RDH13: variants seen among roughly 807,000 people sequenced by gnomAD.
The protein encoded by RDH13 is retinol dehydrogenase 13 (all-trans and 9-cis).
A neutral mutation model predicts 28.3 loss-of-function variants in RDH13; 35 were observed. That is an observed-to-expected ratio of 1.24 (90% CI 0.95 to 1.64). The LOEUF (loss-of-function observed/expected upper bound fraction) is 1.64, where lower values mean the gene tolerates loss of function less well. Among genes scored for constraint, RDH13 ranks in the 40% most tolerant of loss-of-function variants. The probability of loss-of-function intolerance (pLI) is 0.00; values close to 1 mark genes in which losing one functional copy is unlikely to be tolerated. For synonymous variants in RDH13, 229 were observed against 198.5 expected (o/e 1.15, Z -1.29); for missense variants, 514 against 446.3 (o/e 1.15, Z -1.37).
Position 55,053,154 on chromosome 19 carries a change from A to AACTTCTGTCTCC in RDH13, c.340+3487_340+3498dup, listed in dbSNP as rs1276464664. Among the ~76,000 whole-genome samples the AACTTCTGTCTCC allele has an allele frequency of 7.3e-5, 11 of 150,754 alleles. No individual in the cohort carries two copies. In the South Asian group the frequency reaches 1.7e-3, roughly 23 times the overall value. On this transcript the variant is annotated intron_variant, in intron 3 of 6. Coordinates refer to ENST00000415061, the MANE Select transcript of RDH13 (RefSeq NM_001145971.2). ...TCATCTCACAAACTGATCTTCCCAAAACTTCTGTCTCCCAAAGTGCCGGGA... is the reference window on the plus strand; with the variant it reads ...TCATCTCACAAACTGATCTTCCCAAAACTTCTGTCTCCACTTCTGTCTCCCAAAGTGCCGGGA...
intron 1 of RDH13, among the ~76,000 whole-genome samples, chr19:55,069,022 C>T (rs1773534917): frequency 1.4e-5 from 2 of 139,830 alleles, no homozygotes; most frequent in Non-Finnish European, 3.1e-5. Flanking sequence ...AAGTCACCGG[C>T]TCCAACCCAG....
At chr19:55,047,961 G>C in intron 5 of RDH13, 1 of 1,017,922 alleles carries the variant, frequency 9.8e-7, no homozygotes, top group Non-Finnish European at 1.3e-6. Flanking sequence ...GATGCCCAGA[G>C]CAATCTCTCC....
At chr19:55,066,502 TC>T (rs1486719410), upstream of RDH13, among the ~76,000 whole-genome samples, 2 of 61,782 alleles carry the variant, frequency 3.2e-5, no homozygotes, top group Admixed American at 3.3e-4. Context: ...TCTCTCTCTC[TC>T]CCTCTCTCTC....
In RDH13 at chr19:55,045,208, A is replaced by G; in HGVS notation, c.862T>C (p.Phe288Leu). The G allele has an allele frequency of 1.2e-6, 2 of 1,613,522 alleles. No homozygotes were observed. The highest frequency in any genetic ancestry group is 1.7e-6 in the Non-Finnish European group (2 of 1,180,024). ...EELADVSGKYFDGLKQKAPAP... is the reference protein window; with the variant it reads ...EELADVSGKYLDGLKQKAPAP... ...GGGGCCTTCTGTTTGAGTCCATCGA[A>G]GTACTTTCCGGAAACATCCGCCAGT... Residue 288 changes from phenylalanine to leucine, a missense_variant, in exon 7 of 7, where the codon TTC becomes CTC. Physicochemically the swap from Phe to Leu is conservative, Grantham distance 22. Transcript: ENST00000415061.
At position 55,063,021 on chromosome 19, in the gene RDH13, G is replaced by C. The variant is rs761474237; in HGVS notation, c.12C>G (p.Tyr4Ter). The C allele has an allele frequency of 2.8e-6, 4 of 1,453,686 alleles. No homozygotes were observed. Among genetic ancestry groups the C allele is most frequent in the Admixed American group, 5.3e-5 (2 of 37,616 alleles). The allele number at this position is 1,453,686 out of a possible 1,614,324, so 90.0% of individuals were successfully genotyped here. Reference sequence around the variant, plus strand: ...TGCCCAGCGCCGACAGCGGCAGCAGGTAGCGGCTCATGCCGGGCCGGGGAC... The same window carrying C: ...TGCCCAGCGCCGACAGCGGCAGCAGCTAGCGGCTCATGCCGGGCCGGGGAC... The part of the protein sequence containing the change: MSR[Y>*]LLPLSALGTV... The change falls in exon 1 of 7, where the codon TAC becomes TAG. Residue 4 changes from tyrosine (Y) to a stop codon, truncating the protein, a stop_gained. Coordinates refer to ENST00000415061, the MANE Select transcript of RDH13 (RefSeq NM_001145971.2). LOFTEE classifies it high-confidence loss of function.
At position 55,057,850 on chromosome 19, in the gene RDH13, C is replaced by T. The variant is rs150878729; in HGVS notation, c.185-1042G>A. Among the ~76,000 whole-genome samples, 597 of 148,944 alleles carry T rather than the reference C, an allele frequency of 4.0e-3. 7 individuals are homozygous for T. The highest frequency in any genetic ancestry group is 0.014 in the African/African-American group (564 of 40,350). On this transcript the variant is annotated intron_variant, in intron 2 of 6. Transcript: ENST00000415061. ...TTGAGTCAGTCTCACTCTGCTGCCG[C>T]GGCTGGAGTGCTGGCGCCATCACAG...
chr19:55,066,422 C>A (rs1422638075), upstream of RDH13, among the ~76,000 whole-genome samples: 27 of 148,660 alleles, frequency 1.8e-4, no homozygotes, highest in Admixed American at 1.8e-3. Context: ...TTCTCTTCCT[C>A]TCTCCCTCTC....
chr19:55,047,472 G>C lies in RDH13; in HGVS notation c.675C>G (p.Val225=). ...SRRLQGSGVT[V]NALHPGVART... Reference sequence around the variant, plus strand: ...TGGCCACGCCGGGGTGCAGGGCGTTGACAGTCACACCAGAGCCTGGGGAAG... The same window carrying C: ...TGGCCACGCCGGGGTGCAGGGCGTTCACAGTCACACCAGAGCCTGGGGAAG... The change falls in exon 6 of 7, where the codon GTC becomes GTG. Residue 225 remains valine, a synonymous_variant. Transcript: ENST00000415061. The C allele has an allele frequency of 1.2e-6, 2 of 1,608,126 alleles. No individual in the cohort carries two copies. Among genetic ancestry groups the C allele is most frequent in the Non-Finnish European group, 1.7e-6 (2 of 1,179,794 alleles).
chr19:55,043,447 G>A (rs947668761), downstream of RDH13, among the ~76,000 whole-genome samples: 1 of 152,046 alleles, frequency 6.6e-6, no homozygotes, highest in Non-Finnish European at 1.5e-5. Context: ...ACTTTGGGAG[G>A]CCAAGACGGG....
rs1311504914 is a variant in RDH13 at position 55,047,383 on chromosome 19, T to G, written c.760+4A>C. 4 of 1,610,846 alleles carry G rather than the reference T, an allele frequency of 2.5e-6. No homozygotes were observed. The highest frequency in any genetic ancestry group is 3.3e-5 in the Admixed American group (2 of 59,884). ...TGGAGACCCCAGGCTGGGAGGGGAC[T>G]CACCGAGTGTGGTGCTGGAGAAGGT... On this transcript the variant is annotated splice_donor_region_variant and intron_variant, in intron 6 of 6. Coordinates refer to ENST00000415061, the MANE Select transcript of RDH13 (RefSeq NM_001145971.2).
intron 1 of RDH13, among the ~76,000 whole-genome samples, chr19:55,060,618 T>C (rs1268939591): frequency 4.6e-5 from 7 of 152,182 alleles, no homozygotes; most frequent in Admixed American, 4.6e-4. Context: ...TTGTGTCTTA[T>C]TTCTTTTCTC....
chr19:55,049,960 GTC>G (rs1230799102), intron 3 of RDH13, among the ~76,000 whole-genome samples: 2 of 139,244 alleles, frequency 1.4e-5, no homozygotes, highest in Non-Finnish European at 1.6e-5. Flanking sequence ...CTTTGGAGCT[GTC>G]TCTTTTTTTT....
upstream of RDH13, among the ~76,000 whole-genome samples, chr19:55,064,909 G>A (rs372141614): frequency 2.3e-4 from 17 of 73,494 alleles, 1 homozygote; most frequent in East Asian, 2.3e-3. Flanking sequence ...CACCGCACCC[G>A]GCCGGGAAGC....
intron 3 of RDH13, among the ~76,000 whole-genome samples, chr19:55,054,236 G>A (rs1279825311): frequency 6.6e-6 from 1 of 152,134 alleles, no homozygotes; most frequent in Non-Finnish European, 1.5e-5. Flanking sequence ...CTGAGTACCC[G>A]TTTACTGAGC....
At chr19:55,048,611 G>C in intron 4 of RDH13, 48 bp downstream of exon 4, 1 of 1,609,188 alleles carries the variant, frequency 6.2e-7, no homozygotes, top group Non-Finnish European at 8.5e-7. Context: ...GGAGGACGAC[G>C]GGGGAGGATC....
chr19:55,064,638 C>CAG (rs1436857719), upstream of RDH13, among the ~76,000 whole-genome samples: 2 of 151,240 alleles, frequency 1.3e-5, no homozygotes, highest in South Asian at 2.1e-4. Flanking sequence ...TTTTGAGAGA[C>CAG]AGTCTCACTG....
chr19:55,061,425 A>C (rs116836547), intron 1 of RDH13, among the ~76,000 whole-genome samples: 4 of 150,456 alleles, frequency 2.7e-5, no homozygotes, highest in Non-Finnish European at 4.4e-5. Flanking sequence ...CACCACACCC[A>C]ACAACCTCTC....
chr19:55,069,042 T>G, intron 1 of RDH13, among the ~76,000 whole-genome samples: 1 of 144,366 alleles, frequency 6.9e-6, no homozygotes, highest in Non-Finnish European at 1.5e-5. Flanking sequence ...GGATCCAAAC[T>G]CAAGTCTGTC....
At position 55,062,954 on chromosome 19, in the gene RDH13, T is replaced by C. The variant is rs1198877347; in HGVS notation, c.65+14A>G. On this transcript the variant is annotated intron_variant, in intron 1 of 6. Transcript: ENST00000415061. ...CCCGCCTTGACCGCGCACGCGGGGC[T>C]AGAATGTACTCACTTGAGCAGCACG... 2 of 1,469,500 alleles carry C rather than the reference T, an allele frequency of 1.4e-6. No individual in the cohort carries two copies. Among genetic ancestry groups the C allele is most frequent in the South Asian group, 1.4e-5 (1 of 73,820 alleles). 91.0% of individuals were successfully genotyped at this position (1,469,500 alleles called of 1,614,324 possible).
Sources: allele counts gnomAD v4.1 joint callset (sites outside exome capture counted in the v4.1 genomes callset), GRCh38; gene constraint gnomAD v4.1.1; transcripts MANE v1.5; gene names NCBI Gene and HGNC (gene_info 2026-07-23, HGNC 2026-07-21).